WWC1: variants seen among roughly 807,000 people sequenced by gnomAD.
The protein encoded by WWC1 is protein KIBRA.
WWC1 carries 55 observed loss-of-function variants against 138.4 expected under a neutral mutation model. The observed-to-expected ratio is 0.40, with a 90% CI of 0.32 to 0.50. The LOEUF is 0.50. WWC1 is among the 20% of genes least tolerant of loss of function. WWC1 has a pLI of 0.72. For synonymous variants in WWC1, 524 were observed against 564.9 expected (o/e 0.93, Z 1.03); for missense variants, 1,226 against 1,420.4 (o/e 0.86, Z 2.20).
In WWC1 at chr5:168,335,918, C is replaced by T. The variant is rs528531986; in HGVS notation, c.120-35506C>T. Among the ~76,000 whole-genome samples, 71 of 152,322 alleles carry T rather than the reference C, an allele frequency of 4.7e-4. 2 individuals are homozygous for T. The highest frequency in any genetic ancestry group is 3.4e-3 in the Middle Eastern group (1 of 294). On this transcript the variant is annotated intron_variant, in intron 1 of 22. Transcript: ENST00000265293. ...CTACCCAGAAAGCCCTTGCTTTCCT[C>T]CCCCTAAGGGGAGAGGGGAGTCTGT...
chr5:168,419,878 C>T (rs1181538960), intron 9 of WWC1, among the ~76,000 whole-genome samples: 1 of 152,162 alleles, frequency 6.6e-6, no homozygotes, highest in African/African-American at 2.4e-5. Flanking sequence ...GTCCAAAAGC[C>T]AGAGGTCTCT....
chr5:168,345,901 C>T (rs1774427086), intron 1 of WWC1, among the ~76,000 whole-genome samples: 1 of 151,968 alleles, frequency 6.6e-6, no homozygotes, highest in African/African-American at 2.4e-5. Flanking sequence ...GGTTAGAATC[C>T]CAGCTTCTAC....
At position 168,409,946 on chromosome 5, in the gene WWC1, T is replaced by G; in HGVS notation, c.892T>G (p.Leu298Val). 6.2e-7 allele frequency: 1 copy of G among 1,613,952 alleles called. No homozygotes were observed. The highest frequency in any genetic ancestry group is 8.5e-7 in the Non-Finnish European group (1 of 1,179,900). ...GTTCGGCATCAACAGCAACAATCAG[T>G]TGGCAGAGAAGGTCAGATTGCGCCT... ...GSFGINSNNQ[L>V]AEKVRLRLRY... The change falls in exon 8 of 23, where the codon TTG becomes GTG. Residue 298 changes from leucine (L) to valine (V), a missense_variant. By Grantham distance (32) the Leu-to-Val change is conservative. Transcript: ENST00000265293.
rs1248278279 is a variant in WWC1 at position 168,352,214 on chromosome 5, T to A, written c.120-19210T>A. 1.2e-4 allele frequency among the ~76,000 whole-genome samples: 18 copies of A among 152,212 alleles called. 1 individual carries two copies. ...TTCTCAAGCTTTCTGAGCCTTAGTG[T>A]CATCATCTGAAAAATGGGATGTCCG... On this transcript the variant is annotated intron_variant, in intron 1 of 22. Coordinates refer to ENST00000265293, the MANE Select transcript of WWC1 (RefSeq NM_015238.3).
chr5:168,369,587 T>G (rs1033378088), intron 1 of WWC1, among the ~76,000 whole-genome samples: 2 of 152,166 alleles, frequency 1.3e-5, no homozygotes, highest in African/African-American at 4.8e-5. Context: ...CATAGTGTAT[T>G]GCACATCACA....
At chr5:168,296,398 G>T (rs1186483650) in intron 1 of WWC1, among the ~76,000 whole-genome samples, 1 of 152,158 alleles carries the variant, frequency 6.6e-6, no homozygotes, top group Non-Finnish European at 1.5e-5. Context: ...AATTGATATG[G>T]TAGGAAGTCA....
chr5:168,316,060 T>TC (rs1052486125), intron 1 of WWC1, among the ~76,000 whole-genome samples: 4 of 151,904 alleles, frequency 2.6e-5, no homozygotes, highest in Admixed American at 1.3e-4. Context: ...TGCTCAGGCC[T>TC]CCCCCCTCTT....
chr5:168,305,248 A>G (rs1296142551), intron 1 of WWC1, among the ~76,000 whole-genome samples: 2 of 151,822 alleles, frequency 1.3e-5, no homozygotes, highest in East Asian at 3.9e-4. Flanking sequence ...GATTACAGGC[A>G]TGAGCCACTG....
chr5:168,422,027 A>G lies in WWC1; in HGVS notation c.1204A>G (p.Arg402Gly), dbSNP rs764017922. ...LTERLKLNSK[R>G]NQLVRELEEA... ...TTCCAGGTTAAAGTTAAACAGTAAG[A>G]GGAACCAGCTTGTGAGAGAACTGGA... The change falls in exon 10 of 23, where the codon AGG becomes GGG. Residue 402 changes from arginine (R) to glycine (G), a missense_variant. Transcript: ENST00000265293. 8.1e-6 allele frequency: 13 copies of G among 1,611,760 alleles called. No homozygotes were observed. Among genetic ancestry groups the G allele is most frequent in the Non-Finnish European group, 1.1e-5 (13 of 1,178,646 alleles).
At chr5:168,389,561 AG>A in intron 3 of WWC1, among the ~76,000 whole-genome samples, 1 of 149,554 alleles carries the variant, frequency 6.7e-6, no homozygotes, top group Middle Eastern at 3.4e-3. Context: ...TCCCTCTTTA[AG>A]TCTCAGAATC....
intron 21 of WWC1, among the ~76,000 whole-genome samples, chr5:168,465,308 A>C (rs1266011278): frequency 6.6e-6 from 1 of 152,170 alleles, no homozygotes; most frequent in East Asian, 1.9e-4. Context: ...ACTTTAAAAG[A>C]GTAACAATAG....
At chr5:168,299,259 C>T (rs1769841167) in intron 1 of WWC1, among the ~76,000 whole-genome samples, 1 of 152,202 alleles carries the variant, frequency 6.6e-6, no homozygotes, top group South Asian at 2.1e-4. Flanking sequence ...GACAGCTGGG[C>T]TTGAGAGTTA....
At position 168,328,633 on chromosome 5, in the gene WWC1, G is replaced by A. The variant is rs1394945271; in HGVS notation, c.119+36362G>A. 2.6e-5 allele frequency among the ~76,000 whole-genome samples: 4 copies of A among 151,924 alleles called. No homozygotes were observed. The East Asian group carries it at 5.8e-4, about 22-fold the overall frequency. On this transcript the variant is annotated intron_variant, in intron 1 of 22. Transcript: ENST00000265293. ...ATGATCTCAGCTCACTGCAACCTCC[G>A]CCTCCCGGGTTCAAGCAATTCTTCT...
intron 19 of WWC1, among the ~76,000 whole-genome samples, chr5:168,459,444 G>A (rs933519713): frequency 1.3e-5 from 2 of 152,050 alleles, no homozygotes; most frequent in African/African-American, 4.8e-5. Context: ...CAAACAGACT[G>A]GGCCTTGAAC....
chr5:168,423,148 C>CTCAAAAAA (rs373732656), intron 10 of WWC1, among the ~76,000 whole-genome samples: 1 of 106,910 alleles, frequency 9.4e-6, no homozygotes, highest in Non-Finnish European at 1.8e-5. Context: ...CCATCCCCCC[C>CTCAAAAAA]CAAAAAAAAA....
chr5:168,372,512 G>A (rs1776839260), intron 2 of WWC1, among the ~76,000 whole-genome samples: 1 of 152,206 alleles, frequency 6.6e-6, no homozygotes, highest in South Asian at 2.1e-4. Context: ...AATAGCCTCT[G>A]TTTACTGAGC....
chr5:168,428,748 C>T lies in WWC1; in HGVS notation c.1961C>T (p.Ser654Leu), dbSNP rs762884650. The T allele has an allele frequency of 1.5e-4, 246 of 1,613,774 alleles. 3 individuals carry two copies. In the South Asian group the frequency reaches 2.4e-3, roughly 16 times the overall value. The change falls in exon 13 of 23, where the codon TCG (serine) becomes TTG (leucine). Residue 654 changes from serine (S) to leucine (L), a missense_variant. Ser to Leu is a moderately radical substitution (Grantham distance 145). This residue lies in a region of WWC1 where 1,016 missense variants were observed against 1,153.9 expected (regional missense o/e 0.88). Transcript: ENST00000265293. ...SEAAAFDSDESEAVGATRIQI... is the reference protein window; with the variant it reads ...SEAAAFDSDELEAVGATRIQI... ...GCTGCTGCATTTGACAGTGACGAAT[C>T]GGAAGCAGTGGGTGCGACCCGAATT... is the stretch of plus-strand genomic sequence containing the variant.
Position 168,465,059 on chromosome 5 carries a change from C to T in WWC1, c.3150+97C>T, listed in dbSNP as rs1465782866. On this transcript the variant is annotated intron_variant, in intron 21 of 22. Coordinates refer to ENST00000265293, the MANE Select transcript of WWC1 (RefSeq NM_015238.3). Reference sequence around the variant, plus strand: ...AGAGAGGCCAGAGCTCATGATGCATCCTACAATTCCCACCACAGGTTCCAC... The same window carrying T: ...AGAGAGGCCAGAGCTCATGATGCATTCTACAATTCCCACCACAGGTTCCAC... 4.1e-6 allele frequency: 6 copies of T among 1,469,002 alleles called. No homozygotes were observed. In the African/African-American group the frequency reaches 4.2e-5, roughly 10 times the overall value. The allele number at this position is 1,469,002 out of a possible 1,614,324, so 91.0% of individuals were successfully genotyped here. A position where few individuals can be genotyped will look rare whatever the true frequency, so the allele number is the denominator to read the frequency against.
intron 1 of WWC1, among the ~76,000 whole-genome samples, chr5:168,307,259 A>T (rs11750742): frequency 1.3e-5 from 2 of 152,004 alleles, no homozygotes; most frequent in Non-Finnish European, 2.9e-5. Context: ...GACATGCAAA[A>T]CCAGTCTGTC....
Sources: allele counts gnomAD v4.1 joint callset (sites outside exome capture counted in the v4.1 genomes callset), GRCh38; gene constraint gnomAD v4.1.1; regional missense constraint gnomAD v4.1.1; transcripts MANE v1.5; gene names NCBI Gene and HGNC (gene_info 2026-07-23, HGNC 2026-07-21).